The following KCND2 variants were observed in gnomAD, a reference collection of about 807,000 sequenced individuals.
The protein encoded by KCND2 is potassium voltage-gated channel subfamily D member 2, also known as A-type voltage-gated potassium channel KCND2.
In KCND2, 16 loss-of-function variants were observed where a neutral mutation model predicts 54.4. The observed-to-expected ratio is 0.29, with a 90% confidence interval of 0.20 to 0.45. The LOEUF (loss-of-function observed/expected upper bound fraction) is 0.45. Among genes scored for constraint, KCND2 ranks in the 20% least tolerant of loss-of-function variants. KCND2 has a pLI of 1.00. For synonymous variants in KCND2, 317 were observed against 310.7 expected, an observed-to-expected ratio of 1.02 and a Z score of -0.21; for missense variants, 486 against 824.2, an observed-to-expected ratio of 0.59 and a Z score of 5.02.
intron 1 of KCND2, among the ~76,000 whole-genome samples, chr7:120,679,503 G>A (rs1451104235): frequency 1.3e-5 from 2 of 152,032 alleles, no homozygotes; most frequent in Non-Finnish European, 2.9e-5. Flanking sequence ...GAACTGACAT[G>A]ATTCCTTTTA....
Position 120,593,511 on chromosome 7 carries a change from A to C in KCND2, c.1116-139392A>C, listed in dbSNP as rs138360110. Among the ~76,000 whole-genome samples the C allele has an allele frequency of 5.3e-5, 8 of 152,270 alleles. No individual in the cohort carries two copies. In the East Asian group the frequency reaches 1.4e-3, roughly 26 times the overall value. ...TTAAGACCAAGCCAAGCAGTTGACT[A>C]TGATAGGAATGCCACCTCCTAGCTA... On this transcript the variant is annotated intron_variant, in intron 1 of 5. Transcript: ENST00000331113.
intron 1 of KCND2, among the ~76,000 whole-genome samples, chr7:120,509,080 CAT>C (rs993887232): frequency 6.6e-6 from 1 of 151,862 alleles, no homozygotes; most frequent in African/African-American, 2.4e-5. Context: ...TTCAAAGCAG[CAT>C]ATAGACTATA....
chr7:120,493,306 CTTCTT>C (rs1802809512), intron 1 of KCND2, among the ~76,000 whole-genome samples: 1 of 151,606 alleles, frequency 6.6e-6, no homozygotes, highest in Non-Finnish European at 1.5e-5. Flanking sequence ...AAATATTTTC[CTTCTT>C]TTCTTAACGG....
chr7:120,397,259 A>G (rs1801168293), intron 1 of KCND2, among the ~76,000 whole-genome samples: 1 of 152,044 alleles, frequency 6.6e-6, no homozygotes, highest in Non-Finnish European at 1.5e-5. Flanking sequence ...AGAAAATGTC[A>G]TTTCAGTAAG....
chr7:120,633,711 A>G (rs1793267116), intron 1 of KCND2, among the ~76,000 whole-genome samples: 1 of 152,214 alleles, frequency 6.6e-6, no homozygotes, highest in South Asian at 2.1e-4. Context: ...AACACAGAGA[A>G]TTCAAATCCG....
intron 1 of KCND2, among the ~76,000 whole-genome samples, chr7:120,316,131 C>T (rs1799808077): frequency 6.6e-6 from 1 of 152,072 alleles, no homozygotes; most frequent in African/African-American, 2.4e-5. Context: ...TAAAATTTGG[C>T]GTTTATCTTC....
At chr7:120,450,141 A>G (rs1334327850) in intron 1 of KCND2, among the ~76,000 whole-genome samples, 1 of 152,182 alleles carries the variant, frequency 6.6e-6, no homozygotes, top group Non-Finnish European at 1.5e-5. Context: ...CACCGGGCAC[A>G]GTGGCTCACG....
chr7:120,313,741 ATTTT>A (rs386411129), intron 1 of KCND2, among the ~76,000 whole-genome samples: 5 of 132,262 alleles, frequency 3.8e-5, no homozygotes, highest in Non-Finnish European at 6.3e-5. Context: ...GTCTCCTGGG[ATTTT>A]TTTTTTTTTT....
chr7:120,418,876 T>G (rs575686696), intron 1 of KCND2, among the ~76,000 whole-genome samples: 1 of 152,280 alleles, frequency 6.6e-6, no homozygotes, highest in Non-Finnish European at 1.5e-5. Flanking sequence ...ATATTTTAAC[T>G]ATTGCTGGAA....
chr7:120,560,589 CAG>C (rs1792221259), intron 1 of KCND2, among the ~76,000 whole-genome samples: 1 of 152,138 alleles, frequency 6.6e-6, no homozygotes, highest in African/African-American at 2.4e-5. Context: ...GTGTTTGAAA[CAG>C]ATGCAAATGA....
intron 1 of KCND2, among the ~76,000 whole-genome samples, chr7:120,557,699 G>A (rs1043540401): frequency 6.6e-6 from 1 of 151,982 alleles, no homozygotes; most frequent in Non-Finnish European, 1.5e-5. Context: ...TGATTTACAG[G>A]TCTCTCCATC....
At chr7:120,609,381 C>T (rs1527651) in intron 1 of KCND2, among the ~76,000 whole-genome samples, 145,528 of 151,982 alleles carry the variant, frequency 0.96, 70,224 homozygotes, top group African/African-American at 0.99. Context: ...TATTTTGGAG[C>T]AGACTTGGAA....
intron 1 of KCND2, among the ~76,000 whole-genome samples, chr7:120,627,075 T>G (rs1401894563): frequency 6.6e-6 from 1 of 152,178 alleles, no homozygotes; most frequent in Non-Finnish European, 1.5e-5. Flanking sequence ...GGCTATTGTA[T>G]TTCAATGTTA....
At chr7:120,525,064 G>A (rs1791756458) in intron 1 of KCND2, among the ~76,000 whole-genome samples, 1 of 151,944 alleles carries the variant, frequency 6.6e-6, no homozygotes, top group South Asian at 2.1e-4. Context: ...CTATATTTTA[G>A]CCTAAATAAC....
In KCND2 at chr7:120,518,694, A is replaced by G. The variant is rs1015505384; in HGVS notation, c.1116-214209A>G. The stretch of plus-strand genomic sequence containing the variant: ...TGGAATATAAGCTAAAGAAATAGCA[A>G]TTGAAGAACTGAAACAATAGTTTGT... On this transcript the variant is annotated intron_variant, in intron 1 of 5. Coordinates refer to ENST00000331113, the MANE Select transcript of KCND2 (RefSeq NM_012281.3). Among the ~76,000 whole-genome samples the G allele has an allele frequency of 2.6e-5, 4 of 152,014 alleles. No homozygotes were observed. The East Asian group carries it at 5.8e-4, about 22-fold the overall frequency.
intron 1 of KCND2, among the ~76,000 whole-genome samples, chr7:120,301,577 A>G (rs916047413): frequency 6.6e-6 from 1 of 152,134 alleles, no homozygotes; most frequent in Non-Finnish European, 1.5e-5. Context: ...TTATAAATAA[A>G]TACTATGAAT....
chr7:120,428,095 A>G (rs1378824438), intron 1 of KCND2, among the ~76,000 whole-genome samples: 2 of 152,192 alleles, frequency 1.3e-5, no homozygotes, highest in Admixed American at 6.5e-5. Flanking sequence ...TATTATAATC[A>G]CTTGAACATA....
rs869059871 is a variant in KCND2, at chr7:120,712,241, A to ATTTTTTTTTTTTTT, written c.1116-20635_1116-20622dup. On this transcript the variant is annotated intron_variant, in intron 1 of 5. Transcript: ENST00000331113. ...TTTTCTTTGAATTTTGGATATCTGA[A>ATTTTTTTTTTTTTT]TTTTTTTTTTTTTTTTTTTTTTTTT... Among the ~76,000 whole-genome samples, 19 of 34,784 alleles carry ATTTTTTTTTTTTTT rather than the reference A, an allele frequency of 5.5e-4. 7 individuals are homozygous for ATTTTTTTTTTTTTT. The highest frequency in any genetic ancestry group is 8.4e-4 in the Non-Finnish European group (16 of 18,962). 22.8% of individuals were successfully genotyped at this position (34,784 alleles called of 152,430 possible).
chr7:120,474,867 C>T (rs1003065830), intron 1 of KCND2, among the ~76,000 whole-genome samples: 1 of 152,120 alleles, frequency 6.6e-6, no homozygotes, highest in Admixed American at 6.5e-5. Context: ...TCATCATCTT[C>T]TTACCTCAAA....
Sources: allele counts gnomAD v4.1 joint callset (sites outside exome capture counted in the v4.1 genomes callset), GRCh38; gene constraint gnomAD v4.1.1; transcripts MANE v1.5; gene names NCBI Gene and HGNC (gene_info 2026-07-23, HGNC 2026-07-21).